Variants in AGTR1 observed in about 807,000 individuals in gnomAD.
AGTR1 encodes the protein type-1 angiotensin II receptor.
A neutral mutation model predicts 19.4 loss-of-function variants in AGTR1; 16 were observed. That is an observed-to-expected ratio of 0.82 (90% CI 0.56 to 1.25). The LOEUF (loss-of-function observed/expected upper bound fraction) is 1.25, where lower values mean the gene tolerates loss of function less well. Among genes scored for constraint, AGTR1 ranks in the 50% most tolerant of loss-of-function variants. The pLI is 0.00. For missense variants in AGTR1, 373 were observed against 431.9 expected, an observed-to-expected ratio of 0.86 and a Z score of 1.21; for synonymous variants, 153 against 154.9, an observed-to-expected ratio of 0.99 and a Z score of 0.09.
At chr3:148,736,059 T>G (rs1714554602) in intron 2 of AGTR1, among the ~76,000 whole-genome samples, 1 of 152,164 alleles carries the variant, frequency 6.6e-6, no homozygotes. Context: ...AAAAAGAGCT[T>G]GTAATGAACA....
chr3:148,727,947 C>T (rs145362988), intron 2 of AGTR1, among the ~76,000 whole-genome samples: 35 of 152,214 alleles, frequency 2.3e-4, no homozygotes, highest in Admixed American at 6.5e-4. Flanking sequence ...GGGAGACTGT[C>T]CCACGCATTG....
At chr3:148,728,457 A>G (rs1241060580) in intron 2 of AGTR1, among the ~76,000 whole-genome samples, 1 of 152,232 alleles carries the variant, frequency 6.6e-6, no homozygotes, top group Non-Finnish European at 1.5e-5. Context: ...ATTTTGTGCT[A>G]AAGTTATGAA....
At chr3:148,719,716 T>C (rs1492099) in intron 2 of AGTR1, among the ~76,000 whole-genome samples, 135,390 of 152,174 alleles carry the variant, frequency 0.89, 60,496 homozygotes, top group African/African-American at 0.97. Context: ...ACCCAAGTCA[T>C]CTGGGGAATC....
intron 2 of AGTR1, among the ~76,000 whole-genome samples, chr3:148,727,909 C>T (rs533438529): frequency 8.5e-5 from 13 of 152,258 alleles, no homozygotes; most frequent in Admixed American, 1.3e-4. Context: ...ACTCTATTGA[C>T]ATTTTGGATT....
intron 1 of AGTR1, among the ~76,000 whole-genome samples, chr3:148,702,267 T>G: frequency 6.6e-6 from 1 of 152,106 alleles, no homozygotes; most frequent in Non-Finnish European, 1.5e-5. Flanking sequence ...ATGAGCCACC[T>G]CACCTGGCCT....
In AGTR1 at chr3:148,742,115, A is replaced by G. The variant is rs778604981; in HGVS notation, c.1080A>G (p.Ter360TrpextTer9). 10 of 1,614,098 alleles carry G rather than the reference A, an allele frequency of 6.2e-6. 1 individual carries two copies. In the South Asian group the frequency reaches 9.9e-5, roughly 16 times the overall value. ...CTGCACCATGTTTTGAGGTTGAGTG[A>G]CATGTTCGAAACCTGTCCATAAAGT... ...KKPAPCFEVE[*>W] is the part of the protein sequence containing the mutation. Residue 360 changes from the stop codon to tryptophan, a stop_lost, in exon 3 of 3, where the codon TGA becomes TGG. Transcript: ENST00000349243.
chr3:148,728,741 G>A (rs1298031588), intron 2 of AGTR1, among the ~76,000 whole-genome samples: 1 of 152,140 alleles, frequency 6.6e-6, no homozygotes, highest in Non-Finnish European at 1.5e-5. Flanking sequence ...CAGGAGATAA[G>A]AACCAAAGTT....
chr3:148,706,036 C>G (rs1712649500), intron 1 of AGTR1, among the ~76,000 whole-genome samples: 1 of 151,600 alleles, frequency 6.6e-6, no homozygotes, highest in Non-Finnish European at 1.5e-5. Flanking sequence ...TTCTTTCTTT[C>G]TTTTGTATGT....
Position 148,741,177 on chromosome 3 carries a change from T to C in AGTR1, c.142T>C (p.Leu48=), listed in dbSNP as rs140046712. The part of the protein sequence containing the change: ...IFVVGIFGNS[L]VVIVIYFYMK... ...TGTGGTGGGAATATTTGGAAACAGC[T>C]TGGTGGTGATAGTCATTTACTTTTA... is the stretch of plus-strand genomic sequence containing the variant. The change falls in exon 3 of 3, where the codon TTG becomes CTG. Residue 48 remains leucine, a synonymous_variant. Transcript: ENST00000349243. 4 of 1,614,050 alleles carry C rather than the reference T, an allele frequency of 2.5e-6. No individual in the cohort carries two copies. The African/African-American group carries it at 4.0e-5, about 16-fold the overall frequency.
chr3:148,739,771 GTCTTATTTCTGCTCCTCTTTT>G, intron 2 of AGTR1: 1 of 1,231,352 alleles, frequency 8.1e-7, no homozygotes, highest in Non-Finnish European at 1.0e-6. Context: ...TGGCAGTGGT[GTCTTATTTCTGCTCCTCTTTT>G]TCCCCAGGGC....
At chr3:148,708,639 C>T (rs1559923117) in intron 2 of AGTR1, among the ~76,000 whole-genome samples, 1 of 152,188 alleles carries the variant, frequency 6.6e-6, no homozygotes, top group Admixed American at 6.5e-5. Flanking sequence ...GGGCATTAAA[C>T]TCTCTCACAA....
At chr3:148,732,749 T>C (rs2107963232) in intron 2 of AGTR1, among the ~76,000 whole-genome samples, 1 of 140,672 alleles carries the variant, frequency 7.1e-6, no homozygotes. Context: ...TTTTTTTTTT[T>C]TTTTTTTTTG....
chr3:148,741,989 A>C lies in AGTR1; in HGVS notation c.954A>C (p.Lys318Asn), dbSNP rs529403958. The C allele has an allele frequency of 6.6e-5, 106 of 1,613,690 alleles. No homozygotes were observed. The highest frequency in any genetic ancestry group is 8.5e-5 in the Non-Finnish European group (100 of 1,179,934). Residue 318 changes from lysine to asparagine, a missense_variant, in exon 3 of 3, where the codon AAA (lysine) becomes AAC (asparagine). Transcript: ENST00000349243. ...KFKRYFLQLLKYIPPKAKSHS... is the reference protein window; with the variant it reads ...KFKRYFLQLLNYIPPKAKSHS... ...AAAGATATTTTCTCCAGCTTCTAAA[A>C]TATATTCCCCCAAAAGCCAAATCCC...
At chr3:148,701,280 T>C (rs1336871204) in intron 1 of AGTR1, among the ~76,000 whole-genome samples, 1 of 152,124 alleles carries the variant, frequency 6.6e-6, no homozygotes, top group Non-Finnish European at 1.5e-5. Flanking sequence ...GAAAACAGAG[T>C]ATATGTTTGG....
At chr3:148,738,672 T>C (rs12721237) in intron 2 of AGTR1, among the ~76,000 whole-genome samples, 12,762 of 152,276 alleles carry the variant, frequency 0.084, 570 homozygotes, top group Middle Eastern at 0.12. Flanking sequence ...CTTCTTTTCA[T>C]CTTCTGTTTT....
chr3:148,720,823 G>A (rs541754807), intron 2 of AGTR1, among the ~76,000 whole-genome samples: 2 of 152,094 alleles, frequency 1.3e-5, no homozygotes, highest in African/African-American at 4.8e-5. Flanking sequence ...ATAACTAAGT[G>A]AATTCCATAT....
rs550259107 is a variant in AGTR1 at position 148,741,379 on chromosome 3, G to C, written c.344G>C (p.Ser115Thr). ...AGCGTCAGTTTCAACCTGTACGCTA[G>C]TGTGTTTCTACTCACGTGTCTCAGC... Reference protein sequence around the residue: ...SASVSFNLYASVFLLTCLSID... With the variant: ...SASVSFNLYATVFLLTCLSID... Residue 115 changes from serine (S) to threonine (T), a missense_variant, in exon 3 of 3, where the codon AGT becomes ACT. Ser to Thr is a moderately conservative substitution (Grantham distance 58). Transcript: ENST00000349243. 1.3e-4 allele frequency: 201 copies of C among 1,604,022 alleles called. 1 individual carries two copies. The South Asian group carries it at 1.6e-3, about 13-fold the overall frequency.
At chr3:148,704,609 G>A (rs1277830960) in intron 1 of AGTR1, among the ~76,000 whole-genome samples, 12 of 152,122 alleles carry the variant, frequency 7.9e-5, no homozygotes, top group Admixed American at 6.5e-4. Flanking sequence ...CAAAAATGTA[G>A]TAAAATATAG....
At chr3:148,736,783 C>A (rs987220578) in intron 2 of AGTR1, among the ~76,000 whole-genome samples, 1 of 152,140 alleles carries the variant, frequency 6.6e-6, no homozygotes, top group Admixed American at 6.5e-5. Context: ...CTATGGAATT[C>A]ATGTAAGCCA....
Sources: gnomAD v4.1 joint callset for allele counts (sites outside exome capture counted in the v4.1 genomes callset) on GRCh38, gnomAD v4.1.1 for gene constraint, MANE v1.5 for transcripts, NCBI Gene and HGNC (gene_info 2026-07-23, HGNC 2026-07-21) for gene names.